The following CDK6 variants were observed in gnomAD, a reference collection of about 807,000 sequenced individuals.
CDK6 encodes the protein cyclin-dependent kinase 6.
A neutral mutation model predicts 37.1 loss-of-function variants in CDK6; 6 were observed. The ratio of observed to expected loss-of-function variants is 0.16; its 90% confidence interval spans 0.09 to 0.32. The LOEUF is 0.32. Ranked by LOEUF, CDK6 falls within the 10% of genes least tolerant of loss-of-function variation. CDK6 has a pLI of 1.00. For missense variants in CDK6, 224 were observed against 418.9 expected, an observed-to-expected ratio of 0.53 and a Z score of 4.06; for synonymous variants, 160 against 161.3, an observed-to-expected ratio of 0.99 and a Z score of 0.06.
At chr7:92,661,060 G>A (rs1351954129) in intron 5 of CDK6, among the ~76,000 whole-genome samples, 2 of 152,184 alleles carry the variant, frequency 1.3e-5, no homozygotes, top group Non-Finnish European at 2.9e-5. Flanking sequence ...TACCAACAGT[G>A]AGGACAGGGA....
At chr7:92,630,543 G>A (rs1421044097) in intron 5 of CDK6, among the ~76,000 whole-genome samples, 1 of 152,142 alleles carries the variant, frequency 6.6e-6, no homozygotes, top group East Asian at 1.9e-4. Context: ...GTCAAACTTC[G>A]GAAGCTATAA....
In CDK6 at chr7:92,672,479, C is replaced by A. The variant is rs75345458; in HGVS notation, c.538-944G>T. The stretch of plus-strand genomic sequence containing the variant: ...AGCAGAGGAAGGGATTCCAAAAAGA[C>A]AAGAAACTCATTTAATACAGAGCAG... On this transcript the variant is annotated intron_variant, in intron 4 of 7. Transcript: ENST00000424848. Among the ~76,000 whole-genome samples the A allele has an allele frequency of 5.1e-3, 781 of 151,866 alleles. 6 individuals carry two copies. The highest frequency in any genetic ancestry group is 0.024 in the South Asian group (117 of 4,818).
intron 2 of CDK6, among the ~76,000 whole-genome samples, chr7:92,814,555 C>CAAAAAAAAAAAAAAAAAAAAA (rs201939605): frequency 1.3e-4 from 9 of 70,038 alleles, no homozygotes; most frequent in Non-Finnish European, 1.7e-4. Flanking sequence ...AACTGAATTG[C>CAAAAAAAAAAAAAAAAAAAAA]AAAAAAAAAA....
At chr7:92,784,733 C>T (rs1187269528) in intron 2 of CDK6, among the ~76,000 whole-genome samples, 8 of 152,050 alleles carry the variant, frequency 5.3e-5, no homozygotes, top group East Asian at 1.9e-4. Flanking sequence ...TGCCTCTTTG[C>T]GTTTTGCTTA....
At chr7:92,630,279 ATTATTTAT>A (rs3042470) in intron 5 of CDK6, among the ~76,000 whole-genome samples, 11 of 146,832 alleles carry the variant, frequency 7.5e-5, no homozygotes, top group South Asian at 4.3e-4. Flanking sequence ...GCCAAATTAC[ATTATTTAT>A]TTATTTATTT....
intron 2 of CDK6, among the ~76,000 whole-genome samples, chr7:92,785,741 C>T (rs1350682827): frequency 1.3e-5 from 2 of 152,148 alleles, no homozygotes; most frequent in Non-Finnish European, 2.9e-5. Context: ...TGCAGTGAAG[C>T]AGAGGTCAGT....
intron 2 of CDK6, among the ~76,000 whole-genome samples, chr7:92,805,937 G>A (rs1281838458): frequency 6.6e-6 from 1 of 152,180 alleles, no homozygotes; most frequent in Non-Finnish European, 1.5e-5. Context: ...GGGGAGTGAA[G>A]AGTCATTGTT....
At chr7:92,741,674 T>TCTAA (rs1798929204) in intron 3 of CDK6, among the ~76,000 whole-genome samples, 1 of 152,144 alleles carries the variant, frequency 6.6e-6, no homozygotes, top group Non-Finnish European at 1.5e-5. Context: ...TTTAAGTTAG[T>TCTAA]AGCCAGCAGT....
At chr7:92,774,297 C>A (rs1467190811) in intron 3 of CDK6, among the ~76,000 whole-genome samples, 8 of 152,136 alleles carry the variant, frequency 5.3e-5, no homozygotes, top group Non-Finnish European at 1.5e-5. Context: ...TCATAATATA[C>A]AATGTGCTCA....
chr7:92,706,202 G>A (rs192924522), intron 4 of CDK6, among the ~76,000 whole-genome samples: 22 of 152,088 alleles, frequency 1.4e-4, no homozygotes, highest in East Asian at 7.7e-4. Flanking sequence ...GGAAGTGATC[G>A]GTGGAATACA....
chr7:92,673,217 C>G (rs1797129395), intron 4 of CDK6, among the ~76,000 whole-genome samples: 1 of 152,140 alleles, frequency 6.6e-6, no homozygotes, highest in South Asian at 2.1e-4. Context: ...CAGTCCCAGA[C>G]AATGTCACAC....
intron 2 of CDK6, among the ~76,000 whole-genome samples, chr7:92,778,172 C>CA (rs960216672): frequency 6.6e-6 from 1 of 151,796 alleles, no homozygotes; most frequent in Non-Finnish European, 1.5e-5. Flanking sequence ...TCTGGCAGGT[C>CA]AAAAAACAGA....
intron 6 of CDK6, 24 bp from the exon 7 acceptor site, chr7:92,618,231 A>C: frequency 6.2e-7 from 1 of 1,612,712 alleles, no homozygotes. Context: ...ACACATGGAC[A>C]TAAGCATTAG....
intron 2 of CDK6, among the ~76,000 whole-genome samples, chr7:92,832,367 T>G (rs1801510104): frequency 6.6e-6 from 1 of 152,208 alleles, no homozygotes; most frequent in African/African-American, 2.4e-5. Flanking sequence ...CCATACCACA[T>G]CTTGGACTCA....
At chr7:92,697,352 A>C (rs1469513991) in intron 4 of CDK6, among the ~76,000 whole-genome samples, 1 of 152,236 alleles carries the variant, frequency 6.6e-6, no homozygotes, top group Non-Finnish European at 1.5e-5. Flanking sequence ...ACATAGCCAA[A>C]GAAAAACAGT....
At chr7:92,824,601 T>C (rs1801262880) in intron 2 of CDK6, among the ~76,000 whole-genome samples, 1 of 152,100 alleles carries the variant, frequency 6.6e-6, no homozygotes, top group South Asian at 2.1e-4. Context: ...TACTATAAAC[T>C]CAATACACAT....
At chr7:92,750,115 T>C (rs1322136071) in intron 3 of CDK6, among the ~76,000 whole-genome samples, 1 of 152,198 alleles carries the variant, frequency 6.6e-6, no homozygotes, top group African/African-American at 2.4e-5. Flanking sequence ...TAAGATGTTT[T>C]AAATATAGGT....
At chr7:92,646,564 AT>A (rs1796456120) in intron 5 of CDK6, among the ~76,000 whole-genome samples, 1 of 151,536 alleles carries the variant, frequency 6.6e-6, no homozygotes, top group Non-Finnish European at 1.5e-5. Flanking sequence ...CATCTGGCAA[AT>A]TTTTGTGTTT....
chr7:92,682,796 C>T (rs1207736938), intron 4 of CDK6, among the ~76,000 whole-genome samples: 1 of 152,134 alleles, frequency 6.6e-6, no homozygotes, highest in Non-Finnish European at 1.5e-5. Flanking sequence ...TTCTGAGAGT[C>T]CACCAACATG....
Sources: allele counts gnomAD v4.1 joint callset (sites outside exome capture counted in the v4.1 genomes callset), GRCh38; gene constraint gnomAD v4.1.1; transcripts MANE v1.5; gene names NCBI Gene and HGNC (gene_info 2026-07-23, HGNC 2026-07-21).